The following XPO4 variants were observed in gnomAD, a reference collection of about 807,000 sequenced individuals.
XPO4 encodes the protein exportin 4, also known as exportin-4.
Under a neutral mutation model 143.0 loss-of-function variants are expected in XPO4, and 39 were observed. The observed-to-expected ratio is 0.27, with a 90% CI of 0.21 to 0.36. The LOEUF (loss-of-function observed/expected upper bound fraction) is 0.36, where lower values mean the gene tolerates loss of function less well. Ranked by LOEUF, XPO4 falls within the 10% of genes least tolerant of loss-of-function variation. The pLI, the probability that XPO4 is intolerant of heterozygous loss-of-function variation, is 1.00. For synonymous variants in XPO4, 439 were observed against 474.0 expected, an observed-to-expected ratio of 0.93 and a Z score of 0.96; for missense variants, 907 against 1,348.0, an observed-to-expected ratio of 0.67 and a Z score of 5.12.
intron 3 of XPO4, among the ~76,000 whole-genome samples, chr13:20,862,176 C>A (rs1386768668): frequency 6.6e-6 from 1 of 152,080 alleles, no homozygotes; most frequent in African/African-American, 2.4e-5. Flanking sequence ...TTAGGATACT[C>A]ACCTGTGTTA....
intron 9 of XPO4, among the ~76,000 whole-genome samples, chr13:20,818,351 C>T (rs1025043059): frequency 6.6e-6 from 1 of 152,178 alleles, no homozygotes; most frequent in East Asian, 1.9e-4. Context: ...AGCCACCCAG[C>T]AAGGTGGCTT....
At chr13:20,795,712 T>C (rs1363730896) in intron 18 of XPO4, among the ~76,000 whole-genome samples, 1 of 152,202 alleles carries the variant, frequency 6.6e-6, no homozygotes, top group African/African-American at 2.4e-5. Context: ...AGGCTGGGAT[T>C]TGAATCCCAG....
chr13:20,892,453 T>A (rs1304856249), intron 1 of XPO4, among the ~76,000 whole-genome samples: 3 of 152,160 alleles, frequency 2.0e-5, no homozygotes, highest in Non-Finnish European at 4.4e-5. Flanking sequence ...TAACCCAGCC[T>A]CTATTTCCCT....
At chr13:20,793,086 G>A (rs964768380) in intron 18 of XPO4, among the ~76,000 whole-genome samples, 17 of 152,170 alleles carry the variant, frequency 1.1e-4, no homozygotes, top group South Asian at 4.2e-4. Context: ...CACCACACCC[G>A]GCGCAGTTAT....
At chr13:20,863,940 A>G (rs1319999632) in intron 2 of XPO4, among the ~76,000 whole-genome samples, 1 of 152,200 alleles carries the variant, frequency 6.6e-6, no homozygotes, top group Non-Finnish European at 1.5e-5. Flanking sequence ...TTCTTGACAC[A>G]TTTAGCTATA....
intron 4 of XPO4, chr13:20,851,722 AAAAAAAAAGAAAGAAAG>A (rs2060090661): frequency 5.2e-6 from 5 of 955,174 alleles, no homozygotes; most frequent in Non-Finnish European, 5.0e-6. Context: ...AAAAAAAAAA[AAAAAAAAAGAAAGAAAG>A]AAAGAAAGAA....
At chr13:20,838,738 C>T (rs1387640543) in intron 6 of XPO4, among the ~76,000 whole-genome samples, 3 of 152,064 alleles carry the variant, frequency 2.0e-5, no homozygotes, top group South Asian at 2.1e-4. Context: ...CTTCCCACCT[C>T]GGCCTCCCAA....
At chr13:20,897,274 G>A (rs148805283) in intron 1 of XPO4, among the ~76,000 whole-genome samples, 1 of 152,174 alleles carries the variant, frequency 6.6e-6, no homozygotes, top group East Asian at 1.9e-4. Context: ...CACATTGAAG[G>A]TCTCAGGAAA....
rs574432893 is a variant in XPO4 at position 20,797,924 on chromosome 13, C to T, written c.2323-867G>A. Among the ~76,000 whole-genome samples the T allele has an allele frequency of 8.5e-4, 130 of 152,184 alleles. 2 individuals carry two copies. The South Asian group carries it at 0.026, about 31-fold the overall frequency. ...CAACGTTTTGGAAGGCTGAGGTGGG[C>T]GGATCACTTGAGGTCAGGAGACCAG... On this transcript the variant is annotated intron_variant, in intron 16 of 22. Transcript: ENST00000255305.
chr13:20,833,920 A>G (rs1415868819), intron 6 of XPO4, among the ~76,000 whole-genome samples: 1 of 152,156 alleles, frequency 6.6e-6, no homozygotes, highest in Non-Finnish European at 1.5e-5. Flanking sequence ...AGCGCCCACT[A>G]TCAAATGGGG....
intron 14 of XPO4, 91 bp from the exon 15 acceptor site, chr13:20,800,416 T>C (rs1343226304): frequency 1.5e-5 from 18 of 1,235,848 alleles, no homozygotes; most frequent in Non-Finnish European, 2.0e-5. Context: ...AATTAGTATC[T>C]AATCTGAAGT....
intron 4 of XPO4, among the ~76,000 whole-genome samples, chr13:20,853,264 G>A (rs1043229215): frequency 1.4e-5 from 2 of 148,012 alleles, no homozygotes; most frequent in Non-Finnish European, 3.0e-5. Context: ...CCATGAGGTC[G>A]GGGCTGCAGT....
intron 3 of XPO4, chr13:20,857,683 C>T (rs368268479): frequency 1.5e-5 from 4 of 271,744 alleles, no homozygotes; most frequent in Non-Finnish European, 2.3e-5. Context: ...GCTGAGACTG[C>T]GCCACTGCAC....
Position 20,819,443 on chromosome 13 carries a change from C to T in XPO4, c.1173+2261G>A, listed in dbSNP as rs867512917. 9.2e-5 allele frequency among the ~76,000 whole-genome samples: 14 copies of T among 152,040 alleles called. No individual in the cohort carries two copies. In the South Asian group the frequency reaches 1.0e-3, roughly 11 times the overall value. On this transcript the variant is annotated intron_variant, in intron 9 of 22. Transcript: ENST00000255305. ...TTGGGAGGCTGGGGTGGGTGGACTG[C>T]GAGGTCAGGAGTTTGAGACCAGCCT...
chr13:20,785,328 T>C (rs2059186938), intron 22 of XPO4, among the ~76,000 whole-genome samples: 1 of 152,188 alleles, frequency 6.6e-6, no homozygotes, highest in Non-Finnish European at 1.5e-5. Context: ...GGGACAGTCC[T>C]GTTCACAGGG....
rs536620300 is a variant in XPO4 at position 20,803,218 on chromosome 13, T to C, written c.1818-2228A>G. ...TTTAATCATCTCTTGGTTGATGTGA[T>C]TAGGTCCTCTTGTTATTTAATGCAA... On this transcript the variant is annotated intron_variant, in intron 13 of 22. Transcript: ENST00000255305. This position sits in a 1 kb window ranked among gnomAD's most constrained non-coding sequence, Gnocchi z 4.1. Among the ~76,000 whole-genome samples the C allele has an allele frequency of 1.2e-4, 19 of 152,202 alleles. No homozygotes were observed. Among genetic ancestry groups the C allele is most frequent in the Non-Finnish European group, 2.5e-4 (17 of 68,040 alleles).
chr13:20,877,263 C>T (rs1331603874), intron 1 of XPO4, among the ~76,000 whole-genome samples: 1 of 152,246 alleles, frequency 6.6e-6, no homozygotes, highest in Non-Finnish European at 1.5e-5. Context: ...TATGCCTTCA[C>T]TCTTCTCTCC....
intron 3 of XPO4, among the ~76,000 whole-genome samples, chr13:20,858,866 G>A (rs938503703): frequency 4.0e-5 from 6 of 150,566 alleles, no homozygotes; most frequent in Admixed American, 2.0e-4. Flanking sequence ...GCAAGACTTC[G>A]TCTCAAGAAA....
At chr13:20,837,882 C>T (rs1379014747) in intron 6 of XPO4, among the ~76,000 whole-genome samples, 8 of 152,164 alleles carry the variant, frequency 5.3e-5, no homozygotes, top group African/African-American at 1.4e-4. Flanking sequence ...TTATCTCCCA[C>T]GGGGTCCCTC....
Sources: gnomAD v4.1 joint callset for allele counts (sites outside exome capture counted in the v4.1 genomes callset) on GRCh38, gnomAD v4.1.1 for gene constraint, Gnocchi (gnomAD v3.1) non-coding constraint, MANE v1.5 for transcripts, NCBI Gene and HGNC (gene_info 2026-07-23, HGNC 2026-07-21) for gene names.